Variants in CCDC85C observed in about 807,000 individuals in gnomAD.
The protein encoded by CCDC85C is coiled-coil domain containing 85C.
In CCDC85C, 18 loss-of-function variants were observed where a neutral mutation model predicts 38.3. The observed-to-expected ratio is 0.47, with a 90% CI of 0.33 to 0.70. The LOEUF (loss-of-function observed/expected upper bound fraction) is 0.70. CCDC85C is among the 30% of genes least tolerant of loss of function. The pLI is 0.03. For missense variants in CCDC85C, 566 were observed against 621.2 expected, an observed-to-expected ratio of 0.91 and a Z score of 0.94; for synonymous variants, 264 against 293.8, an observed-to-expected ratio of 0.90 and a Z score of 1.04.
Position 99,603,299 on chromosome 14 carries a change from G to A in CCDC85C, c.661C>T (p.His221Tyr). 1 of 1,369,318 alleles carries A rather than the reference G, an allele frequency of 7.3e-7. No homozygotes were observed. The highest frequency in any genetic ancestry group is 9.4e-7 in the Non-Finnish European group (1 of 1,065,692). The allele number at this position is 1,369,318 out of a possible 1,614,324, so 84.8% of individuals were successfully genotyped here. A position where few individuals can be genotyped will look rare whatever the true frequency, so the allele number is the denominator to read the frequency against. Residue 221 changes from histidine (H) to tyrosine (Y), a missense_variant, in exon 1 of 6, where the codon CAC becomes TAC. Physicochemically the swap from His to Tyr is moderately conservative, Grantham distance 83 (BLOSUM62 2). Coordinates refer to ENST00000380243, the MANE Select transcript of CCDC85C (RefSeq NM_001144995.2). The surrounding 1 kb of genome is among the most constrained non-coding windows in gnomAD (Gnocchi z 7.5). ...GGCAGCAGCGGGGGTGGGACGTGGTGGTGGTGGTCGGGGCTGCCGCCGCTG... is the reference window on the plus strand; with the variant it reads ...GGCAGCAGCGGGGGTGGGACGTGGTAGTGGTGGTCGGGGCTGCCGCCGCTG... ...AGSGGSPDHH[H>Y]HVPPPLLPPG...
At chr14:99,525,142 G>A (rs146005271) in intron 2 of CCDC85C, among the ~76,000 whole-genome samples, 4 of 152,184 alleles carry the variant, frequency 2.6e-5, no homozygotes, top group African/African-American at 9.6e-5. Context: ...CCGGAGTTCA[G>A]GACACCTCCA....
In CCDC85C at chr14:99,509,710, C is replaced by T. The variant is rs1016243730; in HGVS notation, c.*5536G>A. 6 of 186,746 alleles carry T rather than the reference C, an allele frequency of 3.2e-5. No homozygotes were observed. The highest frequency in any genetic ancestry group is 1.6e-4 in the East Asian group (1 of 6,236). 11.6% of individuals were successfully genotyped at this position (186,746 alleles called of 1,614,324 possible). On this transcript the variant is annotated 3_prime_UTR_variant, in exon 6 of 6. Transcript: ENST00000380243. ...ACTTGTACAGAATTGTTTTAAGTGC[C>T]ATCACATTCATTTGACTAACTCTGA...
At chr14:99,542,244 A>G (rs1005325360) in intron 1 of CCDC85C, among the ~76,000 whole-genome samples, 3 of 152,184 alleles carry the variant, frequency 2.0e-5, no homozygotes, top group Admixed American at 6.5e-5. Context: ...TTAAACGAAC[A>G]CGTACTTCCC....
In CCDC85C at chr14:99,501,040, CTTTT is replaced by C. The variant is rs1238047376; in HGVS notation, c.*14202_*14205del. 12 of 614,762 alleles carry C rather than the reference CTTTT, an allele frequency of 2.0e-5. No individual in the cohort carries two copies. Among genetic ancestry groups the C allele is most frequent in the African/African-American group, 3.7e-5 (2 of 53,490 alleles). The allele number at this position is 614,762 out of a possible 1,614,324, so 38.1% of individuals were successfully genotyped here. A position where few individuals can be genotyped will look rare whatever the true frequency, so the allele number is the denominator to read the frequency against. On this transcript the variant is annotated 3_prime_UTR_variant, in exon 6 of 6. Coordinates refer to ENST00000380243, the MANE Select transcript of CCDC85C (RefSeq NM_001144995.2). ...GCATTGCAGCTGCTAATGCTGTTTC[CTTTT>C]ATGTATAAACAGGCTCTGTCATCCA...
At chr14:99,585,578 T>C (rs1052368268) in intron 1 of CCDC85C, among the ~76,000 whole-genome samples, 1 of 152,256 alleles carries the variant, frequency 6.6e-6, no homozygotes, top group Admixed American at 6.5e-5. Flanking sequence ...TTATTATTCC[T>C]ACTATTATTG....
chr14:99,552,264 C>A (rs1009296582), intron 1 of CCDC85C, among the ~76,000 whole-genome samples: 22 of 152,226 alleles, frequency 1.4e-4, no homozygotes, highest in Admixed American at 1.1e-3. Context: ...GCTAGGGGTG[C>A]TGCAATCCTG....
intron 1 of CCDC85C, among the ~76,000 whole-genome samples, chr14:99,559,957 C>T (rs1898085697): frequency 1.3e-5 from 2 of 151,854 alleles, no homozygotes; most frequent in Non-Finnish European, 2.9e-5. Flanking sequence ...TTTTCTTCTA[C>T]ATTTCCCCAT....
At chr14:99,570,188 C>T (rs1396591403) in intron 1 of CCDC85C, among the ~76,000 whole-genome samples, 1 of 152,154 alleles carries the variant, frequency 6.6e-6, no homozygotes, top group African/African-American at 2.4e-5. Context: ...CTCATTGCAG[C>T]CCTGCAATAT....
intron 1 of CCDC85C, among the ~76,000 whole-genome samples, chr14:99,550,987 A>G (rs1165852883): frequency 3.9e-5 from 6 of 152,228 alleles, no homozygotes; most frequent in Non-Finnish European, 7.3e-5. Context: ...AACATTACCC[A>G]GTGCAGGCAT....
At position 99,507,051 on chromosome 14, in the gene CCDC85C, T is replaced by A. The variant is rs1449374000; in HGVS notation, c.*8195A>T. ...ATTCATGTGAAGAAGTATGAGTGGT[T>A]TTCTAATCTGCTTTTTCTTTGTAGA... is the stretch of plus-strand genomic sequence containing the variant. On this transcript the variant is annotated 3_prime_UTR_variant, in exon 6 of 6. Transcript: ENST00000380243. 1.4e-6 allele frequency: 2 copies of A among 1,461,768 alleles called. No homozygotes were observed. The highest frequency in any genetic ancestry group is 3.3e-5 in the Admixed American group (2 of 59,814). The allele number at this position is 1,461,768 out of a possible 1,614,324, so 90.5% of individuals were successfully genotyped here.
intron 1 of CCDC85C, among the ~76,000 whole-genome samples, chr14:99,596,874 A>T (rs1455529583): frequency 6.6e-6 from 1 of 152,178 alleles, no homozygotes; most frequent in Non-Finnish European, 1.5e-5. Context: ...GAGCAGCATC[A>T]GCGCTGGGGA....
At chr14:99,587,440 A>T (rs559867630) in intron 1 of CCDC85C, among the ~76,000 whole-genome samples, 1 of 152,300 alleles carries the variant, frequency 6.6e-6, no homozygotes, top group Non-Finnish European at 1.5e-5. Flanking sequence ...GAAAAGAAAA[A>T]CCAAGAACAG....
At position 99,582,123 on chromosome 14, in the gene CCDC85C, G is replaced by T. The variant is rs142997579; in HGVS notation, c.793+21044C>A. Among the ~76,000 whole-genome samples the T allele has an allele frequency of 9.0e-4, 137 of 152,278 alleles. 1 individual carries two copies. The highest frequency in any genetic ancestry group is 6.8e-3 in the East Asian group (35 of 5,146). On this transcript the variant is annotated intron_variant, in intron 1 of 5. Transcript: ENST00000380243. ...GTGGCCACACCCAGCGGGGGCGGGG[G>T]GATGCTGGCAGAGGCCTGTGTGTTT...
Position 99,520,360 on chromosome 14 carries a change from G to A in CCDC85C, c.975+1773C>T, listed in dbSNP as rs1897285180. ...CCCCTCCACAGCAGCCACTTCTCCA[G>A]GCTTCATCGGCCCCTCCCACGAGAT... On this transcript the variant is annotated intron_variant, in intron 3 of 5. Transcript: ENST00000380243. This position sits in a 1 kb window ranked among gnomAD's most constrained non-coding sequence, Gnocchi z 4.1. Among the ~76,000 whole-genome samples the A allele has an allele frequency of 6.6e-6, 1 of 152,054 alleles. No homozygotes were observed. The highest frequency in any genetic ancestry group is 2.4e-5 in the African/African-American group (1 of 41,390).
intron 1 of CCDC85C, among the ~76,000 whole-genome samples, chr14:99,564,314 T>C (rs1454856931): frequency 6.6e-6 from 1 of 152,064 alleles, no homozygotes; most frequent in Non-Finnish European, 1.5e-5. Context: ...CCTTGCACCC[T>C]CCCCAGACCC....
chr14:99,591,178 C>CCCACCG (rs2055081859), intron 1 of CCDC85C, among the ~76,000 whole-genome samples: 1 of 152,236 alleles, frequency 6.6e-6, no homozygotes, highest in Non-Finnish European at 1.5e-5. Context: ...AAGCCACGTT[C>CCCACCG]TTTGTTTTCT....
rs74908802 is a variant in CCDC85C, at chr14:99,541,221, C to T, written c.794-5133G>A. Among the ~76,000 whole-genome samples, 1,130 of 152,296 alleles carry T rather than the reference C, an allele frequency of 7.4e-3. 11 individuals are homozygous for T. The highest frequency in any genetic ancestry group is 0.025 in the African/African-American group (1,025 of 41,560). Reference sequence around the variant, plus strand: ...CTGTTCTTAGCTGCCTCCCTGGCTCCGTCCCACCATCTCCCACCAGAAGGA... The same window carrying T: ...CTGTTCTTAGCTGCCTCCCTGGCTCTGTCCCACCATCTCCCACCAGAAGGA... On this transcript the variant is annotated intron_variant, in intron 1 of 5. Transcript: ENST00000380243.
Position 99,548,167 on chromosome 14 carries a change from G to A in CCDC85C, c.794-12079C>T, listed in dbSNP as rs1041666734. 6.6e-6 allele frequency among the ~76,000 whole-genome samples: 1 copy of A among 152,084 alleles called. No individual in the cohort carries two copies. The highest frequency in any genetic ancestry group is 2.1e-4 in the South Asian group (1 of 4,822). ...CAAGCTGCCATCTGGGAGGAGCCAT[G>A]TGTAAGTCCCCTCCCAGATAAAGGA... On this transcript the variant is annotated intron_variant, in intron 1 of 5. Transcript: ENST00000380243. This position sits in a 1 kb window ranked among gnomAD's most constrained non-coding sequence, Gnocchi z 4.9.
chr14:99,528,537 C>T (rs1897432495), intron 2 of CCDC85C, among the ~76,000 whole-genome samples: 1 of 152,170 alleles, frequency 6.6e-6, no homozygotes, highest in Non-Finnish European at 1.5e-5. Context: ...CACCCCAAAA[C>T]TCACACCAGG....
Sources: allele counts gnomAD v4.1 joint callset (sites outside exome capture counted in the v4.1 genomes callset), GRCh38; gene constraint gnomAD v4.1.1; non-coding constraint Gnocchi (gnomAD v3.1); transcripts MANE v1.5; gene names NCBI Gene and HGNC (gene_info 2026-07-23, HGNC 2026-07-21).